The following TCF19 variants were observed in gnomAD, a reference collection of about 807,000 sequenced individuals.
The protein encoded by TCF19 is transcription factor SC1.
In TCF19, 9 loss-of-function variants were observed where a neutral mutation model predicts 18.3. That is an observed-to-expected ratio of 0.49 (90% CI 0.30 to 0.86). The LOEUF (loss-of-function observed/expected upper bound fraction) is 0.86. TCF19 is among the 40% of genes least tolerant of loss of function. The probability of loss-of-function intolerance (pLI) is 0.07; values close to 1 mark genes in which losing one functional copy is unlikely to be tolerated. For synonymous variants in TCF19, 176 were observed against 185.3 expected, an observed-to-expected ratio of 0.95 and a Z score of 0.41; for missense variants, 376 against 464.3, an observed-to-expected ratio of 0.81 and a Z score of 1.75.
chr6:31,161,542 AC>A lies in TCF19; in HGVS notation c.336del (p.Ser113AlafsTer62). 1 of 1,580,920 alleles carries A rather than the reference AC, an allele frequency of 6.3e-7. No individual in the cohort carries two copies. Among genetic ancestry groups the A allele is most frequent in the Non-Finnish European group, 8.6e-7 (1 of 1,166,578 alleles). On this transcript the variant is annotated frameshift_variant, in exon 3 of 4. Transcript: ENST00000376257. LOFTEE classifies it high-confidence loss of function. ...LTFGPEGPPGTSPSEFYFMFQ... is the reference protein window; with the variant it reads ...LTFGPEGPPGXSPSEFYFMFQ... ...CTTTGGCCCTGAAGGGCCCCCAGGA[AC>A]CAGCCCCTCGGAGTTCTACTTCATG... is the stretch of plus-strand genomic sequence containing the variant.
intron 2 of TCF19, among the ~76,000 whole-genome samples, chr6:31,161,103 G>A (rs1776731778): frequency 9.1e-6 from 1 of 109,568 alleles, no homozygotes; most frequent in South Asian, 2.4e-4. Flanking sequence ...GCAGTGAGCT[G>A]AGATTGCACT....
Position 31,164,201 on chromosome 6 carries a change from T to G in TCF19, c.*1484T>G. On this transcript the variant is annotated 3_prime_UTR_variant, in exon 4 of 4. Coordinates refer to ENST00000376257, the MANE Select transcript of TCF19 (RefSeq NM_007109.3). ...ATCACAGGGCCCTGTACAAATAAAC[T>G]TGGCTGCAATCCCAGCTCTCCCTCT... is the stretch of plus-strand genomic sequence containing the variant. 8.3e-7 allele frequency: 1 copy of G among 1,199,244 alleles called. No individual in the cohort carries two copies. Among genetic ancestry groups the G allele is most frequent in the Non-Finnish European group, 1.0e-6 (1 of 955,668 alleles). The allele number at this position is 1,199,244 out of a possible 1,614,324, so 74.3% of individuals were successfully genotyped here.
chr6:31,161,145 C>A (rs1373565412), intron 2 of TCF19, among the ~76,000 whole-genome samples: 1 of 118,260 alleles, frequency 8.5e-6, no homozygotes. Flanking sequence ...TAGAGCAAAA[C>A]TCCATCTCAA....
Position 31,163,545 on chromosome 6 carries a change from G to A in TCF19, c.*828G>A, listed in dbSNP as rs1034755593. 1.0e-6 allele frequency: 1 copy of A among 985,348 alleles called. No individual in the cohort carries two copies. The highest frequency in any genetic ancestry group is 1.2e-6 in the Non-Finnish European group (1 of 829,944). The allele number at this position is 985,348 out of a possible 1,614,324, so 61.0% of individuals were successfully genotyped here. A position where few individuals can be genotyped will look rare whatever the true frequency, so the allele number is the denominator to read the frequency against. ...GGCTTCACCTGTACTGTCAGGGCAA[G>A]AGAAAGCCTGGTAAACCAGCTACAG... On this transcript the variant is annotated 3_prime_UTR_variant, in exon 4 of 4. Transcript: ENST00000376257.
chr6:31,161,713 GCCC>G lies in TCF19; in HGVS notation c.508_510del (p.Pro170del). The G allele has an allele frequency of 6.5e-7, 1 of 1,546,870 alleles. No homozygotes were observed. The highest frequency in any genetic ancestry group is 8.7e-7 in the Non-Finnish European group (1 of 1,145,708). Reference sequence around the variant, plus strand: ...GCGGCCTCTCAGCACCTTCTCCCCTGCCCCCAAGGCCACACTGATCCTAAACTC... The same window carrying G: ...GCGGCCTCTCAGCACCTTCTCCCCTGCCAAGGCCACACTGATCCTAAACTC... On this transcript the variant is annotated inframe_deletion, in exon 3 of 4. Transcript: ENST00000376257.
In TCF19 at chr6:31,162,135, C is replaced by A; in HGVS notation, c.797+130C>A. ...AGGTGGAATAGATGGAATGGCAAGA[C>A]CTGGGTTAGCTCTGATAGGAAAAGA... On this transcript the variant is annotated intron_variant, in intron 3 of 3. Coordinates refer to ENST00000376257, the MANE Select transcript of TCF19 (RefSeq NM_007109.3). The surrounding 1 kb of genome is among the most constrained non-coding windows in gnomAD (Gnocchi z 4.5). 1.9e-6 allele frequency: 2 copies of A among 1,070,012 alleles called. No homozygotes were observed. The highest frequency in any genetic ancestry group is 2.6e-6 in the Non-Finnish European group (2 of 764,272). 66.3% of individuals were successfully genotyped at this position (1,070,012 alleles called of 1,614,324 possible). A position where few individuals can be genotyped will look rare whatever the true frequency, so the allele number is the denominator to read the frequency against.
At position 31,162,455 on chromosome 6, in the gene TCF19, G is replaced by GT; in HGVS notation, c.798-21dup. ...CTCCTACAGGTTTCCGGTGACCCTT[G>GT]TGTCTGTGTCACTTCCTTCAGAAAT... On this transcript the variant is annotated intron_variant, in intron 3 of 3. Coordinates refer to ENST00000376257, the MANE Select transcript of TCF19 (RefSeq NM_007109.3). This position sits in a 1 kb window ranked among gnomAD's most constrained non-coding sequence, Gnocchi z 4.5. 1 of 1,591,610 alleles carries GT rather than the reference G, an allele frequency of 6.3e-7. No homozygotes were observed.
chr6:31,159,783 C>T (rs1776633454), intron 2 of TCF19, 76 bp downstream of exon 2: 1 of 1,466,616 alleles, frequency 6.8e-7, no homozygotes, highest in Non-Finnish European at 9.5e-7. Context: ...CTCCACAAGA[C>T]CCTGCTGCCT....
Position 31,161,996 on chromosome 6 carries a change from C to T in TCF19, c.788C>T (p.Thr263Ile), listed in dbSNP as rs1325536298. The T allele has an allele frequency of 6.2e-6, 10 of 1,607,788 alleles. No individual in the cohort carries two copies. The highest frequency in any genetic ancestry group is 7.6e-6 in the Non-Finnish European group (9 of 1,176,800). ...CTCCGTGTAGACAAAGCCCCACTGA[C>T]TCCCACTGGGTAAGTGGAGTCCTCA... ...KKLRVDKAPL[T>I]PTGNRRGRPR... Residue 263 changes from threonine (T) to isoleucine (I), a missense_variant, in exon 3 of 4, where the codon ACT (threonine) becomes ATT (isoleucine). By Grantham distance (89) the Thr-to-Ile change is moderately conservative (BLOSUM62 -1). Coordinates refer to ENST00000376257, the MANE Select transcript of TCF19 (RefSeq NM_007109.3).
Position 31,162,389 on chromosome 6 carries a change from T to C in TCF19, c.798-88T>C. On this transcript the variant is annotated intron_variant, in intron 3 of 3. Transcript: ENST00000376257. The surrounding 1 kb of genome is among the most constrained non-coding windows in gnomAD (Gnocchi z 4.5). Reference sequence around the variant, plus strand: ...CTCAGACCACTGTGCCTCTGTGGCCTCACCCTATGACCAGCCATAGGGTGG... The same window carrying C: ...CTCAGACCACTGTGCCTCTGTGGCCCCACCCTATGACCAGCCATAGGGTGG... 6.7e-7 allele frequency: 1 copy of C among 1,500,574 alleles called. No individual in the cohort carries two copies. The highest frequency in any genetic ancestry group is 1.4e-5 in the African/African-American group (1 of 71,592). 93.0% of individuals were successfully genotyped at this position (1,500,574 alleles called of 1,614,324 possible).
chr6:31,163,958 T>C lies in TCF19; in HGVS notation c.*1241T>C. 2.0e-6 allele frequency: 2 copies of C among 986,634 alleles called. No homozygotes were observed. Among genetic ancestry groups the C allele is most frequent in the Non-Finnish European group, 2.4e-6 (2 of 830,792 alleles). 61.1% of individuals were successfully genotyped at this position (986,634 alleles called of 1,614,324 possible). On this transcript the variant is annotated 3_prime_UTR_variant, in exon 4 of 4. Transcript: ENST00000376257. Reference sequence around the variant, plus strand: ...GCAAAAACCTTAAGTGGAAACCAAATAGACCCTGGTATCAAGAAAGCACAA... The same window carrying C: ...GCAAAAACCTTAAGTGGAAACCAAACAGACCCTGGTATCAAGAAAGCACAA...
At position 31,162,509 on chromosome 6, in the gene TCF19, T is replaced by G; in HGVS notation, c.830T>G (p.Val277Gly). ...NRRGRPRKYP[V>G]SAPMAPPAVG... The stretch of plus-strand genomic sequence containing the variant: ...CGTGGCCGTCCTCGGAAGTACCCAG[T>G]GAGCGCTCCCATGGCTCCCCCTGCA... Residue 277 changes from valine to glycine, a missense_variant, in exon 4 of 4, where the codon GTG becomes GGG. Coordinates refer to ENST00000376257, the MANE Select transcript of TCF19 (RefSeq NM_007109.3). The surrounding 1 kb of genome is among the most constrained non-coding windows in gnomAD (Gnocchi z 4.5). The G allele has an allele frequency of 6.2e-7, 1 of 1,612,414 alleles. No homozygotes were observed. Among genetic ancestry groups the G allele is most frequent in the Non-Finnish European group, 8.5e-7 (1 of 1,179,708 alleles).
Position 31,163,116 on chromosome 6 carries a change from A to G in TCF19, c.*399A>G, listed in dbSNP as rs1182039258. The stretch of plus-strand genomic sequence containing the variant: ...GCATCACCCAAGGCATTCTGGGAAA[A>G]CCTAGGGCCTGGCCCCAAAACTTCC... On this transcript the variant is annotated 3_prime_UTR_variant, in exon 4 of 4. Coordinates refer to ENST00000376257, the MANE Select transcript of TCF19 (RefSeq NM_007109.3). The G allele has an allele frequency of 3.9e-6, 4 of 1,037,362 alleles. No individual in the cohort carries two copies. The highest frequency in any genetic ancestry group is 4.6e-6 in the Non-Finnish European group (4 of 862,658). The allele number at this position is 1,037,362 out of a possible 1,614,324, so 64.3% of individuals were successfully genotyped here. A position where few individuals can be genotyped will look rare whatever the true frequency, so the allele number is the denominator to read the frequency against.
In TCF19 at chr6:31,164,154, A is replaced by T; in HGVS notation, c.*1437A>T. 9.1e-7 allele frequency: 1 copy of T among 1,094,176 alleles called. No homozygotes were observed. The highest frequency in any genetic ancestry group is 1.6e-5 in the African/African-American group (1 of 60,844). 67.8% of individuals were successfully genotyped at this position (1,094,176 alleles called of 1,614,324 possible). ...GTCTATGGGCAAAAGTTCTTGCATC[A>T]CAGGCTTTTGGGAACTAGCCTATCA... On this transcript the variant is annotated 3_prime_UTR_variant, in exon 4 of 4. Coordinates refer to ENST00000376257, the MANE Select transcript of TCF19 (RefSeq NM_007109.3).
At chr6:31,161,399 A>C (rs750322925) in intron 2 of TCF19, 48 bp from the exon 3 acceptor site, 8 of 1,340,126 alleles carry the variant, frequency 6.0e-6, no homozygotes, top group Non-Finnish European at 7.8e-6. Context: ...GACTCTGGTC[A>C]TTTCTGTTTT....
chr6:31,160,898 C>T (rs1295252153), intron 2 of TCF19, among the ~76,000 whole-genome samples: 1 of 151,974 alleles, frequency 6.6e-6, no homozygotes, highest in Non-Finnish European at 1.5e-5. Flanking sequence ...TGGCTCACGC[C>T]TGTAATCCCA....
chr6:31,161,964 G>A lies in TCF19; in HGVS notation c.756G>A (p.Arg252=). The A allele has an allele frequency of 1.2e-6, 2 of 1,612,712 alleles. No homozygotes were observed. The highest frequency in any genetic ancestry group is 1.7e-4 in the Middle Eastern group (1 of 6,060). ...CGCCACCGGTCCTTATGGAGCCCAGGAAGAAACTCCGTGTAGACAAAGCCC... is the reference window on the plus strand; with the variant it reads ...CGCCACCGGTCCTTATGGAGCCCAGAAAGAAACTCCGTGTAGACAAAGCCC... ...ENPPPVLMEP[R]KKLRVDKAPL... is the part of the protein sequence containing the mutation. The change falls in exon 3 of 4, where the codon AGG becomes AGA. Residue 252 remains arginine (R), a synonymous_variant. Coordinates refer to ENST00000376257, the MANE Select transcript of TCF19 (RefSeq NM_007109.3).
rs1436760755 is a variant in TCF19 at position 31,159,533 on chromosome 6, C to T, written c.64C>T (p.His22Tyr). The T allele has an allele frequency of 1.2e-6, 2 of 1,604,572 alleles. No individual in the cohort carries two copies. The highest frequency in any genetic ancestry group is 1.7e-6 in the Non-Finnish European group (2 of 1,176,226). Residue 22 changes from histidine to tyrosine, a missense_variant, in exon 2 of 4, where the codon CAC becomes TAC. By Grantham distance (83) the His-to-Tyr change is moderately conservative. Coordinates refer to ENST00000376257, the MANE Select transcript of TCF19 (RefSeq NM_007109.3). ...CAGGGGCGGTGATCTCTACACCTTCCACCCCCCCGCCGGGGCTGGCTGCAC... is the reference window on the plus strand; with the variant it reads ...CAGGGGCGGTGATCTCTACACCTTCTACCCCCCCGCCGGGGCTGGCTGCAC... ...GGRGGDLYTF[H>Y]PPAGAGCTYR...
intron 2 of TCF19, among the ~76,000 whole-genome samples, chr6:31,161,153 CAA>C (rs527758123): frequency 1.3e-4 from 7 of 52,088 alleles, no homozygotes; most frequent in Non-Finnish European, 2.4e-4. Flanking sequence ...AACTCCATCT[CAA>C]AAAAAAAAAA....
Sources: allele counts gnomAD v4.1 joint callset (sites outside exome capture counted in the v4.1 genomes callset), GRCh38; gene constraint gnomAD v4.1.1; non-coding constraint Gnocchi (gnomAD v3.1); transcripts MANE v1.5; gene names NCBI Gene and HGNC (gene_info 2026-07-23, HGNC 2026-07-21).